Variants in CLYBL observed in about 807,000 individuals in gnomAD.
CLYBL encodes the protein citramalyl-CoA lyase, also known as citramalyl-CoA lyase, mitochondrial.
In CLYBL, 31 loss-of-function variants were observed where a neutral mutation model predicts 38.9. That is an observed-to-expected ratio of 0.80 (90% CI 0.60 to 1.08). The LOEUF is 1.08. Among genes scored for constraint, CLYBL ranks in the 50% least tolerant of loss-of-function variants. The pLI is 0.00. For missense variants in CLYBL, 434 were observed against 411.6 expected (o/e 1.05, Z -0.47); for synonymous variants, 171 against 158.6 (o/e 1.08, Z -0.59).
chr13:99,890,828 C>A (rs1429834023), intron 7 of CLYBL, among the ~76,000 whole-genome samples: 1 of 152,190 alleles, frequency 6.6e-6, no homozygotes, highest in South Asian at 2.1e-4. Flanking sequence ...CTCTTTGTAC[C>A]CTGTACAATC....
intron 2 of CLYBL, among the ~76,000 whole-genome samples, chr13:99,784,442 A>ATT (rs2049733709): frequency 1.0e-5 from 1 of 96,968 alleles, no homozygotes; most frequent in Non-Finnish European, 2.3e-5. Context: ...CTTCTGGAAA[A>ATT]TTCTCTCTTT....
chr13:99,755,149 G>A (rs1178674594), intron 1 of CLYBL, among the ~76,000 whole-genome samples: 4 of 151,768 alleles, frequency 2.6e-5, no homozygotes, highest in Non-Finnish European at 5.9e-5. Flanking sequence ...CGCCCGCCTC[G>A]GCCTCCCAGA....
chr13:99,739,076 A>G (rs187201369), intron 1 of CLYBL, among the ~76,000 whole-genome samples: 36 of 152,328 alleles, frequency 2.4e-4, no homozygotes, highest in Non-Finnish European at 4.4e-5. Context: ...AAAACATAGG[A>G]TCATGTCTGT....
chr13:99,649,314 A>G (rs1172811325), intron 1 of CLYBL, among the ~76,000 whole-genome samples: 2 of 152,178 alleles, frequency 1.3e-5, no homozygotes, highest in Non-Finnish European at 2.9e-5. Flanking sequence ...AGCATAAGAC[A>G]ATGATGTGGG....
chr13:99,751,679 C>A (rs146680264), intron 1 of CLYBL, among the ~76,000 whole-genome samples: 16 of 152,230 alleles, frequency 1.1e-4, no homozygotes, highest in Non-Finnish European at 2.2e-4. Flanking sequence ...ATGGGGAATT[C>A]ATGTGTAATG....
intron 1 of CLYBL, among the ~76,000 whole-genome samples, chr13:99,737,593 A>T (rs2048688310): frequency 6.6e-6 from 1 of 152,190 alleles, no homozygotes; most frequent in African/African-American, 2.4e-5. Flanking sequence ...CTGGGGACTC[A>T]TGACTGGTTG....
intron 7 of CLYBL, among the ~76,000 whole-genome samples, chr13:99,886,669 A>G (rs2052357656): frequency 1.3e-5 from 2 of 152,250 alleles, no homozygotes; most frequent in South Asian, 2.1e-4. Flanking sequence ...GATGCCTGGC[A>G]TTGCTCTAGG....
intron 1 of CLYBL, among the ~76,000 whole-genome samples, chr13:99,677,591 A>G (rs1481601952): frequency 6.6e-6 from 1 of 152,210 alleles, no homozygotes; most frequent in African/African-American, 2.4e-5. Context: ...GCCTTTAGTG[A>G]AGAAAGGATA....
At chr13:99,839,662 A>G (rs981169370) in intron 2 of CLYBL, among the ~76,000 whole-genome samples, 6 of 152,126 alleles carry the variant, frequency 3.9e-5, no homozygotes, top group African/African-American at 1.4e-4. Context: ...AGGGGCATGG[A>G]ATTTTAAAAG....
chr13:99,629,933 G>A (rs1336474163), intron 1 of CLYBL, among the ~76,000 whole-genome samples: 2 of 152,192 alleles, frequency 1.3e-5, no homozygotes, highest in Non-Finnish European at 2.9e-5. Context: ...ACTGGTTTGA[G>A]GGTGACCTCT....
At chr13:99,883,391 C>T (rs1448199879) in intron 7 of CLYBL, among the ~76,000 whole-genome samples, 6 of 151,828 alleles carry the variant, frequency 4.0e-5, no homozygotes, top group East Asian at 1.9e-4. Flanking sequence ...TGGTGGCGAG[C>T]GCCTGAAATC....
intron 1 of CLYBL, among the ~76,000 whole-genome samples, chr13:99,749,579 G>A (rs1375549929): frequency 1.4e-4 from 21 of 152,216 alleles, no homozygotes; most frequent in Admixed American, 1.4e-3. Context: ...CTTCCCTTGT[G>A]TATCTGCTTT....
intron 1 of CLYBL, among the ~76,000 whole-genome samples, chr13:99,691,597 CCAAAAAA>C (rs148850794): frequency 0.026 from 3,870 of 151,382 alleles, 72 homozygotes; most frequent in Middle Eastern, 0.095. Flanking sequence ...AAAAAAAAAA[CCAAAAAA>C]CAAAAAACAA....
chr13:99,701,228 A>G (rs1013251944), intron 1 of CLYBL, among the ~76,000 whole-genome samples: 1 of 152,230 alleles, frequency 6.6e-6, no homozygotes, highest in African/African-American at 2.4e-5. Flanking sequence ...AACTTAATGC[A>G]TATCAGGAAA....
At chr13:99,700,382 T>C (rs574819059) in intron 1 of CLYBL, among the ~76,000 whole-genome samples, 8 of 152,250 alleles carry the variant, frequency 5.3e-5, no homozygotes, top group African/African-American at 1.9e-4. Flanking sequence ...AGGCGGAGGT[T>C]GCGGTGAGCG....
intron 2 of CLYBL, among the ~76,000 whole-genome samples, chr13:99,837,303 A>G (rs2050962143): frequency 6.6e-6 from 1 of 152,074 alleles, no homozygotes; most frequent in South Asian, 2.1e-4. Context: ...AAGAAAAATT[A>G]ACCAGGTATG....
At chr13:99,876,069 C>CTT (rs10625169) in intron 7 of CLYBL, among the ~76,000 whole-genome samples, 23,606 of 106,620 alleles carry the variant, frequency 0.22, 3,575 homozygotes, top group East Asian at 0.39. Flanking sequence ...TTCTATTTCA[C>CTT]TTTTTTTTTT....
At chr13:99,630,938 T>C (rs1198179946) in intron 1 of CLYBL, among the ~76,000 whole-genome samples, 1 of 152,110 alleles carries the variant, frequency 6.6e-6, no homozygotes, top group African/African-American at 2.4e-5. Flanking sequence ...CCCCTGTTTC[T>C]GAAGCATGTT....
chr13:99,798,229 C>T (rs1362593305), intron 2 of CLYBL, among the ~76,000 whole-genome samples: 4 of 152,066 alleles, frequency 2.6e-5, no homozygotes, highest in East Asian at 1.9e-4. Flanking sequence ...CCCAGAAGGC[C>T]CTTTAATGTC....
Sources: gnomAD v4.1 joint callset for allele counts (sites outside exome capture counted in the v4.1 genomes callset) on GRCh38, gnomAD v4.1.1 for gene constraint, MANE v1.5 for transcripts, NCBI Gene and HGNC (gene_info 2026-07-23, HGNC 2026-07-21) for gene names.